Variants in CDH12 observed in about 807,000 individuals in gnomAD.
The protein encoded by CDH12 is cadherin-12.
In CDH12, 41 loss-of-function variants were observed where a neutral mutation model predicts 74.1. The ratio of observed to expected loss-of-function variants is 0.55; its 90% CI spans 0.43 to 0.72. CDH12 has a LOEUF of 0.72. Among genes scored for constraint, CDH12 ranks in the 30% least tolerant of loss-of-function variants. CDH12 has a pLI of 0.00. For synonymous variants in CDH12, 399 were observed against 355.0 expected (o/e 1.12, Z -1.39); for missense variants, 945 against 977.2 (o/e 0.97, Z 0.44).
chr5:22,841,988 A>G (rs1351075397), intron 1 of CDH12, among the ~76,000 whole-genome samples: 6 of 152,272 alleles, frequency 3.9e-5, no homozygotes, highest in Non-Finnish European at 7.4e-5. Flanking sequence ...TAAAATATGA[A>G]AATATACTTA....
intron 4 of CDH12, among the ~76,000 whole-genome samples, chr5:22,089,545 T>C (rs371246577): frequency 1.7e-4 from 26 of 152,316 alleles, no homozygotes; most frequent in East Asian, 1.4e-3. Flanking sequence ...TAATTTACTT[T>C]TTAAATGCCA....
chr5:22,313,251 A>G (rs1186215867), intron 3 of CDH12, among the ~76,000 whole-genome samples: 2 of 152,180 alleles, frequency 1.3e-5, no homozygotes, highest in Non-Finnish European at 2.9e-5. Context: ...TTTTATCAAG[A>G]TGATAAATTC....
intron 1 of CDH12, among the ~76,000 whole-genome samples, chr5:22,628,709 C>T (rs1411980689): frequency 6.6e-6 from 1 of 151,918 alleles, no homozygotes; most frequent in Admixed American, 6.6e-5. Flanking sequence ...AAGAATAAAC[C>T]AATGTCAAAG....
chr5:22,656,502 A>C (rs1740043824), intron 1 of CDH12, among the ~76,000 whole-genome samples: 1 of 152,222 alleles, frequency 6.6e-6, no homozygotes, highest in African/African-American at 2.4e-5. Flanking sequence ...GTGGAGATAC[A>C]AATTATTTAA....
chr5:22,821,185 C>T (rs376150796), intron 1 of CDH12, among the ~76,000 whole-genome samples: 7 of 151,990 alleles, frequency 4.6e-5, no homozygotes, highest in Admixed American at 6.6e-5. Flanking sequence ...AATTCAACAA[C>T]GCTTCATGCT....
intron 1 of CDH12, among the ~76,000 whole-genome samples, chr5:22,576,255 C>T (rs1739782904): frequency 6.6e-6 from 1 of 152,158 alleles, no homozygotes; most frequent in Admixed American, 6.5e-5. Flanking sequence ...TTCTCACTAC[C>T]TGGCTTCTGA....
At chr5:22,024,882 T>G (rs1477284378) in intron 5 of CDH12, among the ~76,000 whole-genome samples, 1 of 152,168 alleles carries the variant, frequency 6.6e-6, no homozygotes, top group African/African-American at 2.4e-5. Flanking sequence ...TATATCAATT[T>G]AGATTTTTGA....
At chr5:21,766,409 A>T (rs1745026232) in intron 11 of CDH12, among the ~76,000 whole-genome samples, 1 of 151,980 alleles carries the variant, frequency 6.6e-6, no homozygotes, top group Non-Finnish European at 1.5e-5. Context: ...TATTATTTAA[A>T]AATTGATATT....
chr5:21,867,209 G>T (rs1371993324), intron 6 of CDH12, among the ~76,000 whole-genome samples: 2 of 152,138 alleles, frequency 1.3e-5, no homozygotes, highest in Admixed American at 1.3e-4. Context: ...ACACAAATTA[G>T]CCAGGTGTGG....
At chr5:21,887,512 C>T (rs1317723947) in intron 6 of CDH12, among the ~76,000 whole-genome samples, 5 of 152,150 alleles carry the variant, frequency 3.3e-5, no homozygotes, top group Non-Finnish European at 5.9e-5. Context: ...TGACTTTTTT[C>T]ATCCCAGTGT....
intron 3 of CDH12, among the ~76,000 whole-genome samples, chr5:22,340,941 C>T (rs183829831): frequency 1.3e-3 from 192 of 152,276 alleles, no homozygotes; most frequent in African/African-American, 3.9e-3. Context: ...TCTTTGGCAT[C>T]TGTTATCTTT....
At chr5:21,880,082 G>C (rs552611347) in intron 6 of CDH12, among the ~76,000 whole-genome samples, 23 of 152,328 alleles carry the variant, frequency 1.5e-4, no homozygotes, top group African/African-American at 5.3e-4. Context: ...CACAATGCTT[G>C]CTGGGACTCA....
chr5:22,053,578 A>G (rs1424900769), intron 5 of CDH12, among the ~76,000 whole-genome samples: 1 of 152,106 alleles, frequency 6.6e-6, no homozygotes, highest in Non-Finnish European at 1.5e-5. Flanking sequence ...CACTGATTTC[A>G]TAAGTGACCT....
intron 3 of CDH12, among the ~76,000 whole-genome samples, chr5:22,294,757 C>T (rs77794484): frequency 0.04 from 6,096 of 152,218 alleles, 430 homozygotes; most frequent in African/African-American, 0.14. Context: ...TTGACTAAAC[C>T]TTAGACAGGT....
intron 8 of CDH12, among the ~76,000 whole-genome samples, chr5:21,834,179 A>AT (rs374369745): frequency 1.1e-3 from 163 of 151,840 alleles, no homozygotes; most frequent in African/African-American, 3.7e-3. Context: ...TTGCAGTTTT[A>AT]TTTTTTATGC....
rs904267947 is a variant in CDH12 at position 22,332,597 on chromosome 5, C to T, written c.-333+72660G>A. ...AAAGGTCTAATATCCATAATCTACA[C>T]GGAACTTAAACATATTTAAAAGAAT... On this transcript the variant is annotated intron_variant, in intron 3 of 14. Transcript: ENST00000382254. Among the ~76,000 whole-genome samples, 7 of 151,912 alleles carry T rather than the reference C, an allele frequency of 4.6e-5. No homozygotes were observed. The South Asian group carries it at 6.2e-4, about 14-fold the overall frequency.
At chr5:22,467,037 G>A (rs978477372) in intron 2 of CDH12, among the ~76,000 whole-genome samples, 3 of 151,546 alleles carry the variant, frequency 2.0e-5, no homozygotes, top group Non-Finnish European at 4.4e-5. Context: ...CGCCCACCTC[G>A]GCCTCTCAAA....
intron 1 of CDH12, among the ~76,000 whole-genome samples, chr5:22,527,776 T>C (rs1737355076): frequency 6.6e-6 from 1 of 152,194 alleles, no homozygotes; most frequent in African/African-American, 2.4e-5. Flanking sequence ...GTTCTCCACA[T>C]TGAGCCAAGG....
intron 3 of CDH12, among the ~76,000 whole-genome samples, chr5:22,394,152 G>A (rs896021110): frequency 6.6e-6 from 1 of 152,040 alleles, no homozygotes; most frequent in African/African-American, 2.4e-5. Context: ...GATATTACTG[G>A]ACAACCTTCT....
Sources: allele counts gnomAD v4.1 joint callset (sites outside exome capture counted in the v4.1 genomes callset), GRCh38; gene constraint gnomAD v4.1.1; transcripts MANE v1.5; gene names NCBI Gene and HGNC (gene_info 2026-07-23, HGNC 2026-07-21).